DOCK2: variants seen among roughly 807,000 people sequenced by gnomAD.
DOCK2 encodes the protein dedicator of cytokinesis protein 2.
Under a neutral mutation model 248.9 loss-of-function variants are expected in DOCK2, and 87 were observed. That is an observed-to-expected ratio of 0.35 (90% CI 0.29 to 0.42). DOCK2 has a LOEUF of 0.42. Ranked by LOEUF, DOCK2 falls within the 10% of genes least tolerant of loss-of-function variation. The pLI is 1.00. For missense variants in DOCK2, 1,747 were observed against 2,300.2 expected (o/e 0.76, Z 4.92); for synonymous variants, 805 against 821.6 (o/e 0.98, Z 0.35).
At chr5:170,077,488 T>C (rs189724753) in intron 47 of DOCK2, among the ~76,000 whole-genome samples, 7 of 152,212 alleles carry the variant, frequency 4.6e-5, no homozygotes, top group Admixed American at 3.9e-4. Flanking sequence ...CATAGGAAAT[T>C]CCAAAGTTTT....
chr5:170,040,364 G>A (rs1756472423), intron 36 of DOCK2, among the ~76,000 whole-genome samples: 1 of 152,164 alleles, frequency 6.6e-6, no homozygotes, highest in Non-Finnish European at 1.5e-5. Flanking sequence ...GTTCATAACT[G>A]GGATCTCACT....
chr5:169,859,510 C>A (rs1771064955), intron 27 of DOCK2, among the ~76,000 whole-genome samples: 3 of 152,186 alleles, frequency 2.0e-5, no homozygotes, highest in Non-Finnish European at 2.9e-5. Context: ...TGTTTCTTGG[C>A]ATTTATAAAA....
chr5:169,821,142 A>T (rs1034030907), intron 26 of DOCK2, among the ~76,000 whole-genome samples: 23 of 152,364 alleles, frequency 1.5e-4, no homozygotes, highest in African/African-American at 5.3e-4. Flanking sequence ...TCTACGTCTG[A>T]TTGGTGTACC....
intron 9 of DOCK2, among the ~76,000 whole-genome samples, chr5:169,692,509 T>G (rs1490006535): frequency 5.2e-5 from 7 of 133,884 alleles, no homozygotes; most frequent in Non-Finnish European, 7.9e-5. Flanking sequence ...TTCTTTAGTG[T>G]GGAGGTGTGT....
At chr5:169,783,075 A>G (rs901102962) in intron 25 of DOCK2, among the ~76,000 whole-genome samples, 1 of 152,244 alleles carries the variant, frequency 6.6e-6, no homozygotes, top group Non-Finnish European at 1.5e-5. Context: ...CAGAATGAAT[A>G]TTTTATAGTA....
rs1182624126 is a variant in DOCK2, at chr5:170,068,946, T to A, written c.4645-191T>A. Among the ~76,000 whole-genome samples the A allele has an allele frequency of 1.3e-5, 2 of 152,172 alleles. No individual in the cohort carries two copies. Among genetic ancestry groups the A allele is most frequent in the Non-Finnish European group, 2.9e-5 (2 of 68,032 alleles). Reference sequence around the variant, plus strand: ...CCCAGAGTTTGCAGCCCATTCCCACTGGGTGCTGATCTGAGCCTCAAAGCA... The same window carrying A: ...CCCAGAGTTTGCAGCCCATTCCCACAGGGTGCTGATCTGAGCCTCAAAGCA... On this transcript the variant is annotated intron_variant, in intron 45 of 51. Transcript: ENST00000520908.
chr5:169,892,687 C>A (rs1773366560), intron 27 of DOCK2, among the ~76,000 whole-genome samples: 2 of 152,344 alleles, frequency 1.3e-5, no homozygotes, highest in African/African-American at 4.8e-5. Flanking sequence ...ACCTCCTCTT[C>A]ATTTTTATCC....
intron 26 of DOCK2, among the ~76,000 whole-genome samples, chr5:169,813,938 T>G (rs1017240713): frequency 6.6e-6 from 1 of 152,206 alleles, no homozygotes; most frequent in African/African-American, 2.4e-5. Flanking sequence ...GATTGTCGTC[T>G]TTCACCTGGT....
intron 44 of DOCK2, among the ~76,000 whole-genome samples, chr5:170,062,333 C>T (rs1025299534): frequency 6.6e-6 from 1 of 152,052 alleles, no homozygotes; most frequent in Admixed American, 6.5e-5. Flanking sequence ...TCCCTCCACC[C>T]CCAAATGCAC....
intron 29 of DOCK2, among the ~76,000 whole-genome samples, chr5:169,994,462 C>T (rs1043322101): frequency 1.7e-4 from 26 of 152,110 alleles, no homozygotes; most frequent in African/African-American, 1.7e-4. Flanking sequence ...ATTAGAGATG[C>T]GGCTGCACAC....
chr5:170,069,698 G>A (rs1757613462), intron 46 of DOCK2, among the ~76,000 whole-genome samples: 2 of 152,248 alleles, frequency 1.3e-5, no homozygotes, highest in South Asian at 4.2e-4. Context: ...TGAGGCCTTT[G>A]TGTGGGTGGT....
intron 32 of DOCK2, among the ~76,000 whole-genome samples, chr5:170,013,071 G>A (rs186867624): frequency 6.6e-6 from 1 of 152,180 alleles, no homozygotes; most frequent in East Asian, 1.9e-4. Flanking sequence ...ATATAAGTGA[G>A]GACTATAAGG....
At position 169,763,791 on chromosome 5, in the gene DOCK2, A is replaced by G. The variant is rs1764619024; in HGVS notation, c.2554+2166A>G. Among the ~76,000 whole-genome samples the G allele has an allele frequency of 6.6e-6, 1 of 152,262 alleles. No individual in the cohort carries two copies. Among genetic ancestry groups the G allele is most frequent in the African/African-American group, 2.4e-5 (1 of 41,464 alleles). ...AAATACATACAGAGACTAGAGGTAG[A>G]CAAAGTATCCTTTGGGGACCCCTTT... On this transcript the variant is annotated intron_variant, in intron 25 of 51. Coordinates refer to ENST00000520908, the MANE Select transcript of DOCK2 (RefSeq NM_004946.3). The surrounding 1 kb of genome is among the most constrained non-coding windows in gnomAD (Gnocchi z 4.1).
rs259897 is a variant in DOCK2, at chr5:169,934,591, A to G, written c.2800-48477A>G. 0.14 allele frequency: 65,367 copies of G among 453,364 alleles called. 7,693 individuals are homozygous for G. The highest frequency in any genetic ancestry group is 0.46 in the African/African-American group (23,181 of 49,916). The allele number at this position is 453,364 out of a possible 1,614,324, so 28.1% of individuals were successfully genotyped here. On this transcript the variant is annotated intron_variant, in intron 27 of 51. Coordinates refer to ENST00000520908, the MANE Select transcript of DOCK2 (RefSeq NM_004946.3). The stretch of plus-strand genomic sequence containing the variant: ...GATCTAAATCCTGCTCTTTGCTTCC[A>G]GGCTGTCTGACCTTGGGCAAGATAC...
chr5:169,846,661 TA>T (rs1431263731), intron 27 of DOCK2, among the ~76,000 whole-genome samples: 2 of 145,018 alleles, frequency 1.4e-5, no homozygotes, highest in Non-Finnish European at 3.0e-5. Context: ...TACACACACA[TA>T]TATATATATA....
intron 22 of DOCK2, among the ~76,000 whole-genome samples, chr5:169,740,119 G>A (rs1165193781): frequency 6.6e-6 from 1 of 152,198 alleles, no homozygotes; most frequent in Non-Finnish European, 1.5e-5. Flanking sequence ...ATGAAGGATG[G>A]CATGGGCACA....
intron 32 of DOCK2, 140 bp from the exon 33 acceptor site, chr5:170,018,820 C>A: frequency 8.9e-7 from 1 of 1,123,196 alleles, no homozygotes; most frequent in Non-Finnish European, 1.3e-6. Flanking sequence ...CGGTGCCTGG[C>A]TCATGGTAAA....
chr5:169,962,223 A>G (rs932664619), intron 27 of DOCK2, among the ~76,000 whole-genome samples: 1 of 152,016 alleles, frequency 6.6e-6, no homozygotes, highest in African/African-American at 2.4e-5. Context: ...GACAGTTAGG[A>G]GGCTATTGCT....
At chr5:170,002,435 G>A (rs981452577) in intron 30 of DOCK2, among the ~76,000 whole-genome samples, 16 of 152,176 alleles carry the variant, frequency 1.1e-4, no homozygotes, top group African/African-American at 3.9e-4. Flanking sequence ...AAAGATGTCT[G>A]TACATACATT....
Sources: allele counts gnomAD v4.1 joint callset (sites outside exome capture counted in the v4.1 genomes callset), GRCh38; gene constraint gnomAD v4.1.1; non-coding constraint Gnocchi (gnomAD v3.1); transcripts MANE v1.5; gene names NCBI Gene and HGNC (gene_info 2026-07-23, HGNC 2026-07-21).